The following PHGDH variants were observed in gnomAD, a reference collection of about 807,000 sequenced individuals.
PHGDH encodes phosphoglycerate dehydrogenase, also known as D-3-phosphoglycerate dehydrogenase.
A neutral mutation model predicts 52.6 loss-of-function variants in PHGDH; 50 were observed. The observed-to-expected ratio is 0.95, with a 90% CI of 0.76 to 1.20. PHGDH has a LOEUF of 1.20. Among genes scored for constraint, PHGDH ranks in the 50% most tolerant of loss-of-function variants. The pLI, the probability that PHGDH is intolerant of heterozygous loss-of-function variation, is 0.00. For synonymous variants in PHGDH, 271 were observed against 280.5 expected (o/e 0.97, Z 0.34); for missense variants, 630 against 684.6 (o/e 0.92, Z 0.89).
intron 11 of PHGDH, 157 bp from the exon 12 acceptor site, chr1:119,743,729 C>T: frequency 2.7e-6 from 2 of 743,060 alleles, no homozygotes; most frequent in Non-Finnish European, 4.9e-6. Context: ...TGAGCAGATG[C>T]CCTGTTGCTC....
chr1:119,734,488 T>A (rs1168711389), intron 5 of PHGDH, 146 bp from the exon 6 acceptor site: 8 of 791,758 alleles, frequency 1.0e-5, no homozygotes, highest in Non-Finnish European at 1.6e-5. Flanking sequence ...TGGTACTTAG[T>A]GTATGGTAAA....
chr1:119,718,840 A>G (rs1651034626), intron 1 of PHGDH, among the ~76,000 whole-genome samples: 1 of 152,200 alleles, frequency 6.6e-6, no homozygotes, highest in Non-Finnish European at 1.5e-5. Context: ...TAGAAAATAT[A>G]ACTAAGGAGA....
chr1:119,735,360 G>A lies in PHGDH; in HGVS notation c.709G>A (p.Gly237Arg), dbSNP rs1341545186. Residue 237 changes from glycine to arginine, a missense_variant, in exon 7 of 12, where the codon GGA (glycine) becomes AGA (arginine). Physicochemically the swap from Gly to Arg is moderately radical, Grantham distance 125 (BLOSUM62 -2). Coordinates refer to ENST00000641023, the MANE Select transcript of PHGDH (RefSeq NM_006623.4). ...GGTGCGTGTGGTGAACTGTGCCCGT[G>A]GAGGGATCGTGGACGAAGGCGCCCT... ...KGVRVVNCAR[G>R]GIVDEGALLR... 1 of 1,614,206 alleles carries A rather than the reference G, an allele frequency of 6.2e-7. No homozygotes were observed. The highest frequency in any genetic ancestry group is 1.3e-5 in the African/African-American group (1 of 75,064).
intron 3 of PHGDH, chr1:119,724,984 A>T (rs1040547130): frequency 2.2e-6 from 1 of 456,554 alleles, no homozygotes; most frequent in African/African-American, 2.0e-5. Flanking sequence ...GCCTATATGT[A>T]GACTCTACAG....
chr1:119,734,603 C>G (rs758198444), intron 5 of PHGDH, 31 bp from the exon 6 acceptor site: 2 of 1,609,000 alleles, frequency 1.2e-6, no homozygotes, highest in Non-Finnish European at 1.7e-6. Flanking sequence ...TTAAGAATGA[C>G]ACTTCCTCCC....
intron 2 of PHGDH, chr1:119,721,610 T>C (rs1651168911): frequency 2.7e-6 from 1 of 364,162 alleles, no homozygotes; most frequent in East Asian, 5.2e-5. Context: ...GCCCACCCCA[T>C]GCGCAGTTGC....
At chr1:119,742,754 G>C (rs1652268177) in intron 10 of PHGDH, 53 bp from the exon 11 acceptor site, 6 of 1,096,158 alleles carry the variant, frequency 5.5e-6, no homozygotes, top group Non-Finnish European at 8.2e-6. Flanking sequence ...AGAGAGGAGG[G>C]TGGACGTGGT....
intron 5 of PHGDH, among the ~76,000 whole-genome samples, chr1:119,730,942 G>T (rs944941901): frequency 1.3e-5 from 2 of 152,190 alleles, no homozygotes; most frequent in African/African-American, 2.4e-5. Flanking sequence ...TAAGGGTGCA[G>T]AATCAGGTCC....
At chr1:119,730,675 C>T (rs1203788412) in intron 5 of PHGDH, among the ~76,000 whole-genome samples, 1 of 152,156 alleles carries the variant, frequency 6.6e-6, no homozygotes, top group Non-Finnish European at 1.5e-5. Flanking sequence ...GCCATTCTCT[C>T]AATGATGGGT....
chr1:119,736,942 A>G (rs1651965182), intron 7 of PHGDH, among the ~76,000 whole-genome samples, 172 bp from the exon 8 acceptor site: 1 of 152,248 alleles, frequency 6.6e-6, no homozygotes, highest in Non-Finnish European at 1.5e-5. Context: ...GCTGAGATGG[A>G]ACATTCATGT....
chr1:119,715,117 T>A (rs1325971064), intron 1 of PHGDH, among the ~76,000 whole-genome samples: 1 of 152,236 alleles, frequency 6.6e-6, no homozygotes, highest in Non-Finnish European at 1.5e-5. Flanking sequence ...GAAATTTGTT[T>A]TATGTCATAA....
At chr1:119,738,304 C>T (rs1313749171) in intron 8 of PHGDH, among the ~76,000 whole-genome samples, 1 of 152,208 alleles carries the variant, frequency 6.6e-6, no homozygotes, top group Admixed American at 6.5e-5. Context: ...TGCCCTCCCA[C>T]CTCTGGATTG....
chr1:119,712,242 C>A, intron 1 of PHGDH, 82 bp downstream of exon 1: 3 of 1,260,122 alleles, frequency 2.4e-6, no homozygotes, highest in Non-Finnish European at 2.3e-6. Context: ...AGCGCGCCCC[C>A]CTCGCATGCA....
chr1:119,725,339 G>A (rs1177952155), intron 3 of PHGDH, among the ~76,000 whole-genome samples: 6 of 152,140 alleles, frequency 3.9e-5, no homozygotes, highest in Non-Finnish European at 2.9e-5. Context: ...CTGTGGTGCC[G>A]CACGCATACA....
intron 10 of PHGDH, chr1:119,742,132 A>G: frequency 1.8e-6 from 1 of 564,618 alleles, no homozygotes; most frequent in Non-Finnish European, 3.2e-6. Context: ...AGGCAGTAGA[A>G]GTGTCCCCAT....
Position 119,711,963 on chromosome 1 carries a change from G to T in PHGDH, c.-60G>T, listed in dbSNP as rs1439349259. 6.3e-7 allele frequency: 1 copy of T among 1,596,600 alleles called. No individual in the cohort carries two copies. Among genetic ancestry groups the T allele is most frequent in the Admixed American group, 1.7e-5 (1 of 59,948 alleles). Reference sequence around the variant, plus strand: ...TTACTCTAGCGCGCCAGGCCGAACCGCAGCTTCTTGGCTTAGGTACTTCTA... The same window carrying T: ...TTACTCTAGCGCGCCAGGCCGAACCTCAGCTTCTTGGCTTAGGTACTTCTA... On this transcript the variant is annotated 5_prime_UTR_variant, in exon 1 of 12. Transcript: ENST00000641023.
chr1:119,719,290 C>T (rs1448899901), intron 1 of PHGDH, among the ~76,000 whole-genome samples: 2 of 152,012 alleles, frequency 1.3e-5, no homozygotes, highest in Non-Finnish European at 2.9e-5. Context: ...ACGTACATAG[C>T]GGGCATCCGA....
At chr1:119,738,777 G>A (rs1489108709) in intron 8 of PHGDH, among the ~76,000 whole-genome samples, 2 of 152,094 alleles carry the variant, frequency 1.3e-5, no homozygotes, top group Non-Finnish European at 2.9e-5. Flanking sequence ...CAGAGCGAGG[G>A]GGTGGGGGAG....
chr1:119,740,722 G>A (rs1488381765), intron 9 of PHGDH, among the ~76,000 whole-genome samples: 1 of 152,200 alleles, frequency 6.6e-6, no homozygotes, highest in South Asian at 2.1e-4. Flanking sequence ...AAGATGTACT[G>A]AATATTCATA....
Sources: gnomAD v4.1 joint callset for allele counts (sites outside exome capture counted in the v4.1 genomes callset) on GRCh38, gnomAD v4.1.1 for gene constraint, MANE v1.5 for transcripts, NCBI Gene and HGNC (gene_info 2026-07-23, HGNC 2026-07-21) for gene names.